The following TMEM245 variants were observed in gnomAD, a reference collection of about 807,000 sequenced individuals.
TMEM245 encodes transmembrane protein 245.
A neutral mutation model predicts 101.2 loss-of-function variants in TMEM245; 69 were observed. The ratio of observed to expected loss-of-function variants is 0.68; its 90% CI spans 0.56 to 0.83. The LOEUF (loss-of-function observed/expected upper bound fraction) is 0.83, where lower values mean the gene tolerates loss of function less well. Among genes scored for constraint, TMEM245 ranks in the 40% least tolerant of loss-of-function variants. TMEM245 has a pLI of 0.00. For missense variants in TMEM245, 1,075 were observed against 1,092.8 expected, an observed-to-expected ratio of 0.98 and a Z score of 0.23; for synonymous variants, 537 against 449.8, an observed-to-expected ratio of 1.19 and a Z score of -2.45.
At position 109,085,983 on chromosome 9, in the gene TMEM245, G is replaced by A. The variant is rs1392351821; in HGVS notation, c.1344+14C>T. ...AATTCAATAGTAAAAACCAACATCT[G>A]GGTGTTCATTTACCTTCTTATTTAG... On this transcript the variant is annotated intron_variant, in intron 7 of 17. Transcript: ENST00000374586. 1.9e-6 allele frequency: 3 copies of A among 1,613,562 alleles called. No individual in the cohort carries two copies. The African/African-American group carries it at 4.0e-5, about 22-fold the overall frequency.
chr9:109,028,223 GCAGAT>G (rs1334554820), intron 17 of TMEM245, among the ~76,000 whole-genome samples: 7 of 151,794 alleles, frequency 4.6e-5, no homozygotes, highest in Non-Finnish European at 1.5e-5. Flanking sequence ...GCTGAGGAGG[GCAGAT>G]CACCTGAGGT....
At chr9:109,112,140 C>CA (rs1830582787) in intron 1 of TMEM245, among the ~76,000 whole-genome samples, 1 of 151,208 alleles carries the variant, frequency 6.6e-6, no homozygotes, top group African/African-American at 2.4e-5. Flanking sequence ...AAATGTTTAT[C>CA]AAAGTATTCT....
At chr9:109,086,597 G>A (rs1235883484) in intron 6 of TMEM245, among the ~76,000 whole-genome samples, 2 of 152,166 alleles carry the variant, frequency 1.3e-5, no homozygotes, top group African/African-American at 2.4e-5. Flanking sequence ...CTACAAGGTA[G>A]GTGCTATTGT....
chr9:109,056,067 C>A (rs1469558989), intron 12 of TMEM245, among the ~76,000 whole-genome samples: 1 of 152,204 alleles, frequency 6.6e-6, no homozygotes, highest in Non-Finnish European at 1.5e-5. Flanking sequence ...AACAGCACTT[C>A]ATCTTCCACA....
chr9:109,116,401 G>A (rs1830724557), intron 1 of TMEM245, among the ~76,000 whole-genome samples: 1 of 152,050 alleles, frequency 6.6e-6, no homozygotes. Flanking sequence ...TAAAAGACTG[G>A]GGGTGGGGGA....
intron 3 of TMEM245, among the ~76,000 whole-genome samples, chr9:109,096,672 C>CA (rs2132595944): frequency 6.6e-6 from 1 of 152,292 alleles, no homozygotes; most frequent in South Asian, 2.1e-4. Context: ...AAAGGAAAAA[C>CA]AAAAACAAAG....
chr9:109,032,469 C>G (rs1299150944), intron 17 of TMEM245, among the ~76,000 whole-genome samples: 1 of 144,652 alleles, frequency 6.9e-6, no homozygotes, highest in Non-Finnish European at 1.5e-5. Flanking sequence ...ACTGCAACCT[C>G]CACCTCCCAG....
chr9:109,041,860 G>A (rs976800338), intron 14 of TMEM245, among the ~76,000 whole-genome samples: 2 of 151,962 alleles, frequency 1.3e-5, no homozygotes, highest in Non-Finnish European at 2.9e-5. Context: ...GCTGGTTGCG[G>A]TAGTTCACAC....
intron 8 of TMEM245, among the ~76,000 whole-genome samples, chr9:109,079,793 C>G (rs1451061646): frequency 6.6e-6 from 1 of 151,764 alleles, no homozygotes; most frequent in East Asian, 1.9e-4. Flanking sequence ...AAAAAAAGAC[C>G]ATACTAATGA....
intron 9 of TMEM245, among the ~76,000 whole-genome samples, chr9:109,066,452 C>CAAAAAA (rs386415818): frequency 0.046 from 2,428 of 52,372 alleles, 214 homozygotes; most frequent in African/African-American, 0.099. Flanking sequence ...AAGACTGTCT[C>CAAAAAA]AAAAAAAAAA....
At chr9:109,023,023 C>T (rs1462084781) in intron 17 of TMEM245, among the ~76,000 whole-genome samples, 1 of 152,196 alleles carries the variant, frequency 6.6e-6, no homozygotes, top group African/African-American at 2.4e-5. Context: ...GACAAGTGAG[C>T]TTAGCTGTAA....
chr9:109,092,987 T>A (rs990245603), intron 4 of TMEM245, among the ~76,000 whole-genome samples: 26 of 151,592 alleles, frequency 1.7e-4, no homozygotes, highest in African/African-American at 6.3e-4. Flanking sequence ...AATAAAAGTC[T>A]TCCCCAAAAA....
chr9:109,046,423 T>C, intron 14 of TMEM245: 1 of 369,620 alleles, frequency 2.7e-6, no homozygotes, highest in South Asian at 2.1e-5. Flanking sequence ...GACTCAAAAC[T>C]TCATGAAATG....
At chr9:109,048,110 T>A (rs1320941766) in intron 14 of TMEM245, among the ~76,000 whole-genome samples, 1 of 152,196 alleles carries the variant, frequency 6.6e-6, no homozygotes, top group Non-Finnish European at 1.5e-5. Flanking sequence ...TTACACTGGA[T>A]AATATACTCC....
chr9:109,113,853 G>A (rs758254627), intron 1 of TMEM245, among the ~76,000 whole-genome samples: 1 of 152,182 alleles, frequency 6.6e-6, no homozygotes, highest in African/African-American at 2.4e-5. Context: ...ACTTTGGGAG[G>A]CCAAGGCAGG....
chr9:109,045,133 C>T (rs1828445466), intron 14 of TMEM245, among the ~76,000 whole-genome samples: 1 of 152,202 alleles, frequency 6.6e-6, no homozygotes, highest in African/African-American at 2.4e-5. Context: ...TGTTGAACTA[C>T]AGTCATTCTA....
chr9:109,081,042 GGCAAA>G, intron 7 of TMEM245, 99 bp from the exon 8 acceptor site: 1 of 771,020 alleles, frequency 1.3e-6, no homozygotes. Context: ...TCTCCAGCAT[GGCAAA>G]GCAAATTATG....
chr9:109,030,248 C>T (rs1704122296), intron 17 of TMEM245, among the ~76,000 whole-genome samples: 1 of 109,992 alleles, frequency 9.1e-6, no homozygotes, highest in African/African-American at 3.8e-5. Context: ...AGGCAAAGTC[C>T]TTATTGTCCT....
chr9:109,087,078 C>A, intron 6 of TMEM245, 95 bp downstream of exon 6: 1 of 1,083,596 alleles, frequency 9.2e-7, no homozygotes, highest in Non-Finnish European at 1.3e-6. Flanking sequence ...CATGTGTTAT[C>A]AACAGTTACA....
Sources: gnomAD v4.1 joint callset for allele counts (sites outside exome capture counted in the v4.1 genomes callset) on GRCh38, gnomAD v4.1.1 for gene constraint, MANE v1.5 for transcripts, NCBI Gene and HGNC (gene_info 2026-07-23, HGNC 2026-07-21) for gene names.